SYNE2: variants seen among roughly 807,000 people sequenced by gnomAD.
SYNE2 encodes spectrin repeat containing nuclear envelope protein 2.
Under a neutral mutation model 856.3 loss-of-function variants are expected in SYNE2, and 431 were observed. That is an observed-to-expected ratio of 0.50 (90% CI 0.47 to 0.55). The LOEUF is 0.55. SYNE2 is among the 20% of genes least tolerant of loss of function. The pLI is 0.00. For missense variants in SYNE2, 8,129 were observed against 8,023.2 expected (o/e 1.01, Z -0.50); for synonymous variants, 2,923 against 2,872.3 (o/e 1.02, Z -0.56).
intron 1 of SYNE2, among the ~76,000 whole-genome samples, chr14:63,799,424 G>A (rs1049444262): frequency 1.3e-5 from 2 of 149,718 alleles, no homozygotes; most frequent in Non-Finnish European, 3.0e-5. Context: ...GGCCGGGCGC[G>A]GTGGCTCATG....
intron 2 of SYNE2, among the ~76,000 whole-genome samples, chr14:63,927,319 A>T (rs1353628888): frequency 1.3e-5 from 2 of 151,850 alleles, no homozygotes; most frequent in East Asian, 3.9e-4. Context: ...TGGCTGAGGC[A>T]GGAGGATAAC....
At chr14:64,183,011 C>T (rs1400001006) in intron 96 of SYNE2, among the ~76,000 whole-genome samples, 1 of 95,226 alleles carries the variant, frequency 1.1e-5, no homozygotes, top group Admixed American at 9.1e-5. Flanking sequence ...ACTGGCCAGG[C>T]GGGGGCTGCC....
chr14:64,129,327 G>A (rs1043350996), intron 74 of SYNE2, among the ~76,000 whole-genome samples: 20 of 152,054 alleles, frequency 1.3e-4, no homozygotes, highest in African/African-American at 4.8e-4. Context: ...AAATAAATAA[G>A]TCATAAATAT....
In SYNE2 at chr14:64,158,690, T is replaced by C; in HGVS notation, c.15858T>C (p.Tyr5286=). ...LQEWKIYDQL[Y]DEVNMMTIRF... Reference sequence around the variant, plus strand: ...AGTGGAAGATTTATGATCAACTCTATGATGAAGTGAATATGATGACAATCC... The same window carrying C: ...AGTGGAAGATTTATGATCAACTCTACGATGAAGTGAATATGATGACAATCC... The change falls in exon 86 of 116, where the codon TAT becomes TAC. Residue 5286 remains tyrosine (Y), a synonymous_variant. Transcript: ENST00000555002. 1 of 1,613,992 alleles carries C rather than the reference T, an allele frequency of 6.2e-7. No homozygotes were observed. The highest frequency in any genetic ancestry group is 8.5e-7 in the Non-Finnish European group (1 of 1,179,898).
chr14:63,986,106 C>G (rs1363520906), intron 18 of SYNE2, among the ~76,000 whole-genome samples: 1 of 152,054 alleles, frequency 6.6e-6, no homozygotes, highest in Non-Finnish European at 1.5e-5. Flanking sequence ...ACTTTTTTAT[C>G]TTTTATTTTT....
At chr14:63,941,848 A>C in intron 4 of SYNE2, 37 bp from the exon 5 acceptor site, 1 of 1,612,126 alleles carries the variant, frequency 6.2e-7, no homozygotes. Flanking sequence ...TATGTATTTC[A>C]TTTTTTCTGA....
Position 64,126,409 on chromosome 14 carries a change from G to T in SYNE2, c.13637G>T (p.Ser4546Ile). 6.2e-7 allele frequency: 1 copy of T among 1,614,218 alleles called. No homozygotes were observed. Among genetic ancestry groups the T allele is most frequent in the Non-Finnish European group, 8.5e-7 (1 of 1,180,018 alleles). ...LFLTLSQCLS[S>I]VEEMLEMPRL... ...CTGACCCTCAGTCAGTGCCTCAGCA[G>T]TGTGGAGGAGATGCTGGAGATGCCC... The change falls in exon 72 of 116, where the codon AGT (serine) becomes ATT (isoleucine). Residue 4546 changes from serine (S) to isoleucine (I), a missense_variant. Physicochemically the swap from Ser to Ile is moderately radical, Grantham distance 142. Around this residue, in one of 3 missense-constraint regions of SYNE2, gnomAD observed 5,410 missense variants for 5,284.8 expected, o/e 1.02. Transcript: ENST00000555002.
At chr14:63,791,899 GC>G (rs1887747553) in intron 1 of SYNE2, among the ~76,000 whole-genome samples, 2 of 145,086 alleles carry the variant, frequency 1.4e-5, no homozygotes, top group Admixed American at 7.2e-5. Flanking sequence ...GAGTGAGATC[GC>G]GCCACCGCAC....
intron 41 of SYNE2, among the ~76,000 whole-genome samples, chr14:64,025,765 A>G (rs1280779002): frequency 6.6e-6 from 1 of 152,214 alleles, no homozygotes; most frequent in Non-Finnish European, 1.5e-5. Context: ...GTATAGCAGA[A>G]GCATCAGCAA....
rs2097032773 is a variant in SYNE2 at position 64,031,360 on chromosome 14, A to G, written c.7221+3A>G. ...AGGAAGACTGGGAAATAAACAAGGT[A>G]AGTGCTTGTGATTGCACTTTCAAGA... On this transcript the variant is annotated splice_donor_region_variant and intron_variant, in intron 45 of 115. Coordinates refer to ENST00000555002, the MANE Select transcript of SYNE2 (RefSeq NM_182914.3). The G allele has an allele frequency of 6.2e-7, 1 of 1,612,962 alleles. No individual in the cohort carries two copies. The highest frequency in any genetic ancestry group is 1.3e-5 in the African/African-American group (1 of 75,044).
rs190679369 is a variant in SYNE2, at chr14:64,121,318, C to T, written c.13158+257C>T. On this transcript the variant is annotated intron_variant, in intron 68 of 115. Coordinates refer to ENST00000555002, the MANE Select transcript of SYNE2 (RefSeq NM_182914.3). ...GGCAGATCATTTGAGGTCAGGAGTT[C>T]GAAACCAGCCTGGACAACATGGTGA... Among the ~76,000 whole-genome samples the T allele has an allele frequency of 1.9e-4, 29 of 152,024 alleles. No individual in the cohort carries two copies. The East Asian group carries it at 4.5e-3, about 23-fold the overall frequency.
chr14:64,132,903 GA>G (rs1193728232), intron 77 of SYNE2, among the ~76,000 whole-genome samples: 1 of 152,070 alleles, frequency 6.6e-6, no homozygotes, highest in Non-Finnish European at 1.5e-5. Flanking sequence ...GTACTTAAAG[GA>G]AATAAAATAG....
At chr14:63,775,607 G>T (rs1484280453) in intron 1 of SYNE2, among the ~76,000 whole-genome samples, 2 of 151,880 alleles carry the variant, frequency 1.3e-5, no homozygotes, top group African/African-American at 4.8e-5. Flanking sequence ...TTGAGACAGG[G>T]TCTCACTCTG....
rs1419420738 is a variant in SYNE2, at chr14:64,119,623, A to G, written c.13023+14A>G. ...AGTGAAGATCAGGTAAAAAATGACT[A>G]TCTATGGACATTCATCTTGATACAC... On this transcript the variant is annotated intron_variant, in intron 67 of 115. Transcript: ENST00000555002. 12 of 1,613,328 alleles carry G rather than the reference A, an allele frequency of 7.4e-6. No homozygotes were observed. The highest frequency in any genetic ancestry group is 1.3e-5 in the African/African-American group (1 of 74,920).
intron 45 of SYNE2, among the ~76,000 whole-genome samples, chr14:64,046,076 A>G (rs746860216): frequency 4.6e-5 from 7 of 152,258 alleles, no homozygotes; most frequent in Non-Finnish European, 1.0e-4. Context: ...TTTTTCATAT[A>G]TAAAGTAACC....
intron 1 of SYNE2, among the ~76,000 whole-genome samples, chr14:63,882,424 C>T (rs1453159397): frequency 6.6e-6 from 1 of 152,002 alleles, no homozygotes; most frequent in African/African-American, 2.4e-5. Context: ...GAATGAGTAA[C>T]ATGTGGAGGC....
At chr14:64,107,291 T>C (rs892973294) in intron 64 of SYNE2, among the ~76,000 whole-genome samples, 200 bp from the exon 65 acceptor site, 1 of 152,248 alleles carries the variant, frequency 6.6e-6, no homozygotes, top group Non-Finnish European at 1.5e-5. Flanking sequence ...GTGTGGAGAA[T>C]GCAAGTCTTT....
intron 1 of SYNE2, among the ~76,000 whole-genome samples, chr14:63,796,466 T>C (rs1438498414): frequency 1.3e-5 from 2 of 151,540 alleles, no homozygotes; most frequent in African/African-American, 4.8e-5. Context: ...CAAAAAAAAT[T>C]TTTGTTTTGA....
intron 65 of SYNE2, among the ~76,000 whole-genome samples, chr14:64,110,588 A>AACCC (rs2097797632): frequency 6.6e-5 from 5 of 75,390 alleles, no homozygotes; most frequent in East Asian, 1.2e-3. Context: ...TACTTTTTAC[A>AACCC]CCCCCCCCCC....
Sources: allele counts gnomAD v4.1 joint callset (sites outside exome capture counted in the v4.1 genomes callset), GRCh38; gene constraint gnomAD v4.1.1; regional missense constraint gnomAD v4.1.1; transcripts MANE v1.5; gene names NCBI Gene and HGNC (gene_info 2026-07-23, HGNC 2026-07-21).